Variants in PHKB observed in about 807,000 individuals in gnomAD.
The protein encoded by PHKB is phosphorylase b kinase regulatory subunit beta.
Under a neutral mutation model 152.1 loss-of-function variants are expected in PHKB, and 122 were observed. That is an observed-to-expected ratio of 0.80 (90% CI 0.69 to 0.93). The LOEUF (loss-of-function observed/expected upper bound fraction) is 0.93, where lower values mean the gene tolerates loss of function less well. Ranked by LOEUF, PHKB falls within the 40% of genes least tolerant of loss-of-function variation. The probability of loss-of-function intolerance (pLI) is 0.00; values close to 1 mark genes in which losing one functional copy is unlikely to be tolerated. For missense variants in PHKB, 1,304 were observed against 1,328.4 expected (o/e 0.98, Z 0.29); for synonymous variants, 436 against 464.9 (o/e 0.94, Z 0.80).
chr16:47,544,099 C>T (rs766740975), intron 6 of PHKB, among the ~76,000 whole-genome samples: 5 of 152,080 alleles, frequency 3.3e-5, no homozygotes, highest in Non-Finnish European at 5.9e-5. Flanking sequence ...CATTTCTGCT[C>T]TGATCTTAGT....
chr16:47,523,250 C>G (rs1211719639), intron 6 of PHKB, among the ~76,000 whole-genome samples: 1 of 152,124 alleles, frequency 6.6e-6, no homozygotes, highest in Admixed American at 6.5e-5. Flanking sequence ...AATATATTAA[C>G]TCCAGAAATC....
intron 1 of PHKB, chr16:47,462,120 A>G (rs1969575067): frequency 1.3e-5 from 2 of 152,238 alleles, no homozygotes; most frequent in African/African-American, 4.8e-5. Flanking sequence ...TCAAATTGCA[A>G]CGTCATGACT....
intron 14 of PHKB, among the ~76,000 whole-genome samples, chr16:47,617,266 A>T (rs140061490): frequency 8.1e-4 from 120 of 148,170 alleles, no homozygotes; most frequent in African/African-American, 2.5e-3. Flanking sequence ...TATAATATAA[A>T]TTTTTTTATA....
intron 14 of PHKB, among the ~76,000 whole-genome samples, chr16:47,629,048 T>G (rs1972769763): frequency 6.6e-6 from 1 of 152,200 alleles, no homozygotes; most frequent in East Asian, 1.9e-4. Flanking sequence ...ACTTAAATGT[T>G]AGACCTAAAA....
chr16:47,604,616 T>C (rs956869185), intron 13 of PHKB, among the ~76,000 whole-genome samples: 1 of 152,252 alleles, frequency 6.6e-6, no homozygotes, highest in Non-Finnish European at 1.5e-5. Flanking sequence ...TATTTTAGTA[T>C]GTCCTATGTA....
intron 7 of PHKB, among the ~76,000 whole-genome samples, chr16:47,577,416 G>C (rs1971768109): frequency 6.6e-6 from 1 of 152,014 alleles, no homozygotes; most frequent in Non-Finnish European, 1.5e-5. Context: ...AACATGTATT[G>C]TATTTACCCA....
intron 13 of PHKB, among the ~76,000 whole-genome samples, chr16:47,604,552 G>C (rs1233397188): frequency 1.3e-5 from 2 of 152,092 alleles, no homozygotes; most frequent in Non-Finnish European, 2.9e-5. Context: ...CCACAGCTGA[G>C]AATCAGCTAG....
chr16:47,515,591 A>G lies in PHKB; in HGVS notation c.584A>G (p.Asn195Ser). ...MISSGLQIIY[N>S]TDEVSFIQNL... ...TCCTCAGGACTCCAGATTATCTACA[A>G]CACTGATGAGGTATGCTTTCCCCAA... Residue 195 changes from asparagine (N) to serine (S), a missense_variant, in exon 6 of 31, where the codon AAC becomes AGC. Coordinates refer to ENST00000323584, the MANE Select transcript of PHKB (RefSeq NM_000293.3). 1.5e-6 allele frequency: 2 copies of G among 1,378,822 alleles called. No individual in the cohort carries two copies. Among genetic ancestry groups the G allele is most frequent in the South Asian group, 1.2e-5 (1 of 86,356 alleles). 85.4% of individuals were successfully genotyped at this position (1,378,822 alleles called of 1,614,324 possible).
At chr16:47,545,269 C>T (rs903621525) in intron 6 of PHKB, among the ~76,000 whole-genome samples, 3 of 152,082 alleles carry the variant, frequency 2.0e-5, no homozygotes, top group African/African-American at 4.8e-5. Flanking sequence ...CCTTCAGGAG[C>T]TCTTGTAAGG....
intron 6 of PHKB, among the ~76,000 whole-genome samples, chr16:47,526,619 C>T (rs1284768904): frequency 6.7e-6 from 1 of 148,810 alleles, no homozygotes; most frequent in Admixed American, 6.7e-5. Context: ...ATCTCTTAAA[C>T]AAAAAAGCAA....
At chr16:47,465,168 A>G (rs577241934) in intron 1 of PHKB, among the ~76,000 whole-genome samples, 2 of 152,246 alleles carry the variant, frequency 1.3e-5, no homozygotes, top group Non-Finnish European at 2.9e-5. Context: ...AAAATATTAC[A>G]TGTAACAATG....
chr16:47,486,621 A>G (rs1205756892), intron 1 of PHKB, among the ~76,000 whole-genome samples: 1 of 152,070 alleles, frequency 6.6e-6, no homozygotes, highest in Non-Finnish European at 1.5e-5. Context: ...CTGCTCTCCC[A>G]TGCCTACCCC....
In PHKB at chr16:47,609,551, GTT is replaced by G. The variant is rs34915090; in HGVS notation, c.1364-1273_1364-1272del. On this transcript the variant is annotated intron_variant, in intron 13 of 30. Coordinates refer to ENST00000323584, the MANE Select transcript of PHKB (RefSeq NM_000293.3). ...GAACTATGTGTGGATGTGTGTGTGT[GTT>G]TGTGTGTGTGTGTGTGTGTGTGTGT... Among the ~76,000 whole-genome samples, 751 of 141,264 alleles carry G rather than the reference GTT, an allele frequency of 5.3e-3. 10 individuals are homozygous for G. The highest frequency in any genetic ancestry group is 0.022 in the African/African-American group (718 of 32,094). The allele number at this position is 141,264 out of a possible 152,430, so 92.7% of individuals were successfully genotyped here. A position where few individuals can be genotyped will look rare whatever the true frequency, so the allele number is the denominator to read the frequency against.
intron 6 of PHKB, among the ~76,000 whole-genome samples, chr16:47,543,476 G>A (rs1323417708): frequency 1.3e-5 from 2 of 151,672 alleles, no homozygotes; most frequent in East Asian, 3.9e-4. Flanking sequence ...TTTTTCTTGT[G>A]TCTGCCAGGC....
At chr16:47,528,141 A>G (rs1406571973) in intron 6 of PHKB, among the ~76,000 whole-genome samples, 3 of 152,224 alleles carry the variant, frequency 2.0e-5, no homozygotes, top group Non-Finnish European at 4.4e-5. Flanking sequence ...AAGGAAGGGA[A>G]AACTATTTAA....
At chr16:47,598,441 A>G (rs1055635223) in intron 13 of PHKB, among the ~76,000 whole-genome samples, 1 of 152,224 alleles carries the variant, frequency 6.6e-6, no homozygotes, top group Non-Finnish European at 1.5e-5. Flanking sequence ...TCATAGAAAT[A>G]TCATCTTTGA....
chr16:47,597,347 G>A (rs1480792831), intron 13 of PHKB, among the ~76,000 whole-genome samples: 1 of 152,024 alleles, frequency 6.6e-6, no homozygotes, highest in Non-Finnish European at 1.5e-5. Flanking sequence ...ATCATCTTCG[G>A]TTTTTAAAAA....
intron 7 of PHKB, among the ~76,000 whole-genome samples, chr16:47,558,376 G>A (rs1311676447): frequency 6.6e-6 from 1 of 151,932 alleles, no homozygotes; most frequent in Admixed American, 6.6e-5. Context: ...AAAACTTAAA[G>A]TATAATAATA....
chr16:47,507,943 A>G (rs988990986), intron 4 of PHKB, among the ~76,000 whole-genome samples: 2 of 152,102 alleles, frequency 1.3e-5, no homozygotes, highest in Non-Finnish European at 2.9e-5. Flanking sequence ...GAAATGTGAA[A>G]TATTTCTGTG....
Sources: gnomAD v4.1 joint callset for allele counts (sites outside exome capture counted in the v4.1 genomes callset) on GRCh38, gnomAD v4.1.1 for gene constraint, MANE v1.5 for transcripts, NCBI Gene and HGNC (gene_info 2026-07-23, HGNC 2026-07-21) for gene names.